The following TASP1 variants were observed in gnomAD, a reference collection of about 807,000 sequenced individuals.
TASP1 encodes the protein taspase 1.
A neutral mutation model predicts 56.6 loss-of-function variants in TASP1; 16 were observed. The observed-to-expected ratio is 0.28, with a 90% CI of 0.19 to 0.43. The LOEUF (loss-of-function observed/expected upper bound fraction) is 0.43. Among genes scored for constraint, TASP1 ranks in the 20% least tolerant of loss-of-function variants. The pLI, the probability that TASP1 is intolerant of heterozygous loss-of-function variation, is 1.00. For synonymous variants in TASP1, 179 were observed against 184.2 expected (o/e 0.97, Z 0.23); for missense variants, 393 against 511.6 (o/e 0.77, Z 2.24).
At chr20:13,258,742 C>T in the TASP1 span, among the ~76,000 whole-genome samples, 5 of 152,034 alleles carry the variant, frequency 3.3e-5, no homozygotes, top group East Asian at 1.9e-4. Context: ...GGAATTGTAT[C>T]GGGGAAAAAT....
At chr20:13,153,322 T>C in the TASP1 span, among the ~76,000 whole-genome samples, 1 of 152,164 alleles carries the variant, frequency 6.6e-6, no homozygotes, top group Non-Finnish European at 1.5e-5. Context: ...GAAGCACCAA[T>C]AACCTTGACA....
At chr20:13,277,645 T>C in the TASP1 span, among the ~76,000 whole-genome samples, 3 of 62,664 alleles carry the variant, frequency 4.8e-5, no homozygotes, top group African/African-American at 4.6e-4. Flanking sequence ...CCCCTACCCT[T>C]TTTTTTTTTT....
At chr20:13,459,487 C>T (rs2043972921) in intron 11 of TASP1, among the ~76,000 whole-genome samples, 1 of 152,142 alleles carries the variant, frequency 6.6e-6, no homozygotes, top group Non-Finnish European at 1.5e-5. Flanking sequence ...ATAATTAAAT[C>T]TTACTCCATG....
intron 11 of TASP1, among the ~76,000 whole-genome samples, chr20:13,453,376 C>T (rs2043699927): frequency 6.6e-6 from 1 of 152,120 alleles, no homozygotes; most frequent in Non-Finnish European, 1.5e-5. Context: ...TCAGGATCTA[C>T]TTAGCATGTT....
At position 13,528,491 on chromosome 20, in the gene TASP1, G is replaced by C; in HGVS notation, c.816C>G (p.Gly272=). 1 of 1,609,528 alleles carries C rather than the reference G, an allele frequency of 6.2e-7. No individual in the cohort carries two copies. The change falls in exon 10 of 14, where the codon GGC becomes GGG. Residue 272 remains glycine (G), a synonymous_variant. Transcript: ENST00000337743. Reference sequence around the variant, plus strand: ...GAGCTCCAGTATTTTCAGCCCAGCAGCCACATCCATAAAGAGCAGCCTGGG... The same window carrying C: ...GAGCTCCAGTATTTTCAGCCCAGCACCCACATCCATAAAGAGCAGCCTGGG... ...RVGQAALYGC[G]CWAENTGAHN... is the part of the protein sequence containing the mutation.
the TASP1 span, among the ~76,000 whole-genome samples, chr20:13,261,742 G>C: frequency 6.6e-6 from 1 of 152,182 alleles, no homozygotes. Flanking sequence ...AGGTTTCAAT[G>C]AGGGTTCTTA....
intron 4 of TASP1, among the ~76,000 whole-genome samples, chr20:13,589,520 A>AT (rs2047443136): frequency 6.6e-6 from 1 of 152,230 alleles, no homozygotes; most frequent in African/African-American, 2.4e-5. Context: ...CAAAGAAAAC[A>AT]TAACAACAAA....
intron 5 of TASP1, among the ~76,000 whole-genome samples, chr20:13,585,931 T>C (rs530040026): frequency 1.9e-4 from 29 of 152,058 alleles, no homozygotes; most frequent in Non-Finnish European, 3.4e-4. Flanking sequence ...GGTCAGGAGT[T>C]CAAGACCAGC....
chr20:13,110,877 A>G, the TASP1 span, among the ~76,000 whole-genome samples: 5 of 152,130 alleles, frequency 3.3e-5, no homozygotes, highest in African/African-American at 9.7e-5. Flanking sequence ...TAGAAAAGTG[A>G]AAAATATTAA....
intron 13 of TASP1, among the ~76,000 whole-genome samples, chr20:13,403,299 G>A (rs1023033489): frequency 2.0e-5 from 3 of 152,172 alleles, no homozygotes; most frequent in Non-Finnish European, 4.4e-5. Context: ...AAAGGAGCAC[G>A]GTGAAAATTC....
the TASP1 span, among the ~76,000 whole-genome samples, chr20:13,236,050 G>A: frequency 6.6e-6 from 1 of 151,862 alleles, no homozygotes; most frequent in Non-Finnish European, 1.5e-5. Context: ...TCAGCCTCCT[G>A]AGTAGCTGGG....
intron 4 of TASP1, among the ~76,000 whole-genome samples, chr20:13,598,061 T>C (rs1242378308): frequency 6.6e-6 from 1 of 152,224 alleles, no homozygotes; most frequent in Non-Finnish European, 1.5e-5. Flanking sequence ...GAACAGTCCA[T>C]GCTCATGGGT....
the TASP1 span, among the ~76,000 whole-genome samples, chr20:13,268,228 CTTCTA>C: frequency 6.7e-6 from 1 of 150,262 alleles, no homozygotes; most frequent in Admixed American, 6.6e-5. Flanking sequence ...CTCTTTCTCT[CTTCTA>C]TTCTTTCTCT....
intron 7 of TASP1, among the ~76,000 whole-genome samples, chr20:13,563,199 C>G (rs1226045572): frequency 1.3e-5 from 2 of 150,918 alleles, no homozygotes; most frequent in Non-Finnish European, 3.0e-5. Context: ...ATGAAATTAA[C>G]AAAGTCCAAT....
intron 13 of TASP1, among the ~76,000 whole-genome samples, chr20:13,403,796 C>G (rs1174226964): frequency 2.0e-5 from 3 of 152,090 alleles, no homozygotes; most frequent in African/African-American, 7.2e-5. Context: ...GCTGGAGGAT[C>G]TCTTGAACCC....
At chr20:13,441,197 C>A (rs1415095390) in intron 11 of TASP1, among the ~76,000 whole-genome samples, 2 of 152,132 alleles carry the variant, frequency 1.3e-5, no homozygotes, top group Non-Finnish European at 2.9e-5. Context: ...GTCCAAGAAA[C>A]CCTGCAACTA....
rs1568735302 is a variant in TASP1, at chr20:13,390,401, T to C, written c.1222A>G (p.Ile408Val). The C allele has an allele frequency of 1.2e-6, 2 of 1,613,792 alleles. No individual in the cohort carries two copies. The highest frequency in any genetic ancestry group is 1.7e-6 in the Non-Finnish European group (2 of 1,179,912). ...PGAVAGQSVAIEGGVCRLESP... is the reference protein window; with the variant it reads ...PGAVAGQSVAVEGGVCRLESP... ...TCCAGGCGGCACACCCCACCTTCGATTGCCACAGACTGTCCTGCCACCGCA... is the reference window on the plus strand; with the variant it reads ...TCCAGGCGGCACACCCCACCTTCGACTGCCACAGACTGTCCTGCCACCGCA... The change falls in exon 14 of 14, where the codon ATC becomes GTC. Residue 408 changes from isoleucine (I) to valine (V), a missense_variant. Physicochemically the swap from Ile to Val is conservative, Grantham distance 29. Transcript: ENST00000337743.
chr20:13,525,778 A>G (rs1386164127), intron 10 of TASP1, among the ~76,000 whole-genome samples: 1 of 152,178 alleles, frequency 6.6e-6, no homozygotes, highest in East Asian at 1.9e-4. Flanking sequence ...CATGAGAAAC[A>G]AGAATGAGGC....
At chr20:13,387,412 C>A (rs1053895414), downstream of TASP1, among the ~76,000 whole-genome samples, 2 of 152,026 alleles carry the variant, frequency 1.3e-5, no homozygotes, top group African/African-American at 4.8e-5. Flanking sequence ...GCCAGGCCAA[C>A]TCCTGACCTC....
Sources: gnomAD v4.1 joint callset for allele counts (sites outside exome capture counted in the v4.1 genomes callset) on GRCh38, gnomAD v4.1.1 for gene constraint, MANE v1.5 for transcripts, NCBI Gene and HGNC (gene_info 2026-07-23, HGNC 2026-07-21) for gene names.